CNTN4: variants seen among roughly 807,000 people sequenced by gnomAD.
The protein encoded by CNTN4 is contactin-4.
In CNTN4, 77 loss-of-function variants were observed where a neutral mutation model predicts 122.5. That is an observed-to-expected ratio of 0.63 (90% confidence interval 0.52 to 0.76). The LOEUF (loss-of-function observed/expected upper bound fraction) is 0.76. Among genes scored for constraint, CNTN4 ranks in the 30% least tolerant of loss-of-function variants. The pLI is 0.00. For synonymous variants in CNTN4, 512 were observed against 447.0 expected (o/e 1.15, Z -1.83); for missense variants, 1,256 against 1,259.1 (o/e 1.00, Z 0.04).
intron 3 of CNTN4, among the ~76,000 whole-genome samples, chr3:2,404,156 A>G (rs960716097): frequency 1.3e-5 from 2 of 152,158 alleles, no homozygotes; most frequent in Non-Finnish European, 2.9e-5. Flanking sequence ...TGCTGCTCTA[A>G]TGAATTACCA....
Position 2,175,986 on chromosome 3 carries a change from T to A in CNTN4, c.-145+75347T>A, listed in dbSNP as rs142802880. 2.8e-3 allele frequency among the ~76,000 whole-genome samples: 433 copies of A among 152,306 alleles called. 1 individual carries two copies. The highest frequency in any genetic ancestry group is 1.0e-2 in the African/African-American group (415 of 41,574). Reference sequence around the variant, plus strand: ...CTCATGAACTCAAGTTACCTGAAAATATGGTTTATTCCATGTATGTGAAAA... The same window carrying A: ...CTCATGAACTCAAGTTACCTGAAAAAATGGTTTATTCCATGTATGTGAAAA... On this transcript the variant is annotated intron_variant, in intron 2 of 24. Coordinates refer to ENST00000418658, the MANE Select transcript of CNTN4 (RefSeq NM_175607.3).
chr3:2,378,828 G>T (rs1371841654), intron 3 of CNTN4, among the ~76,000 whole-genome samples: 1 of 151,662 alleles, frequency 6.6e-6, no homozygotes, highest in Non-Finnish European at 1.5e-5. Flanking sequence ...AGGAGAATTT[G>T]TGTTGTCATT....
At chr3:2,855,631 C>T (rs1176052431) in intron 7 of CNTN4, among the ~76,000 whole-genome samples, 1 of 152,198 alleles carries the variant, frequency 6.6e-6, no homozygotes, top group South Asian at 2.1e-4. Flanking sequence ...GTGTTCCTGT[C>T]ACCTTTGAGT....
At chr3:2,300,357 C>T (rs189776382) in intron 2 of CNTN4, among the ~76,000 whole-genome samples, 1 of 152,082 alleles carries the variant, frequency 6.6e-6, no homozygotes, top group African/African-American at 2.4e-5. Flanking sequence ...GTAACGTTCT[C>T]AAAATAGAGG....
chr3:2,560,221 G>A (rs1014573013), intron 3 of CNTN4, among the ~76,000 whole-genome samples: 1 of 151,230 alleles, frequency 6.6e-6, no homozygotes, highest in Non-Finnish European at 1.5e-5. Flanking sequence ...GCTCACTGCA[G>A]CCTCGATTTC....
intron 2 of CNTN4, among the ~76,000 whole-genome samples, chr3:2,302,201 CG>C (rs1553619517): frequency 6.6e-6 from 1 of 152,106 alleles, no homozygotes; most frequent in Non-Finnish European, 1.5e-5. Context: ...GAGGCTGAGG[CG>C]GGTGGTTCAT....
chr3:2,777,502 C>A (rs1360824271), intron 6 of CNTN4, among the ~76,000 whole-genome samples: 1 of 152,192 alleles, frequency 6.6e-6, no homozygotes, highest in Non-Finnish European at 1.5e-5. Context: ...AACATCAGGT[C>A]AAGTGACCTT....
intron 2 of CNTN4, among the ~76,000 whole-genome samples, chr3:2,294,456 C>G (rs765286278): frequency 1.3e-5 from 2 of 152,122 alleles, no homozygotes; most frequent in African/African-American, 4.8e-5. Flanking sequence ...CATGGCGAAA[C>G]CCAGTCTCTG....
chr3:2,204,059 A>T (rs984415980), intron 2 of CNTN4, among the ~76,000 whole-genome samples: 3 of 152,200 alleles, frequency 2.0e-5, no homozygotes, highest in African/African-American at 7.2e-5. Context: ...CAATTGTAAC[A>T]TTTAAATTCT....
rs149120342 is a variant in CNTN4 at position 2,234,444 on chromosome 3, G to A, written c.-144-104734G>A. The stretch of plus-strand genomic sequence containing the variant: ...GACTTACAAACTTCATCAGCTTGTG[G>A]AGTTAGTCTCTGCTCATCTCATTTA... On this transcript the variant is annotated intron_variant, in intron 2 of 24. Transcript: ENST00000418658. Among the ~76,000 whole-genome samples, 854 of 151,060 alleles carry A rather than the reference G, an allele frequency of 5.7e-3. 8 individuals are homozygous for A. Among genetic ancestry groups the A allele is most frequent in the African/African-American group, 0.02 (812 of 41,146 alleles).
chr3:2,843,330 A>G (rs1396471023), intron 7 of CNTN4, among the ~76,000 whole-genome samples: 1 of 152,150 alleles, frequency 6.6e-6, no homozygotes, highest in African/African-American at 2.4e-5. Context: ...CCTGTATCAA[A>G]CCAACTCTCC....
intron 16 of CNTN4, among the ~76,000 whole-genome samples, chr3:3,032,792 G>C (rs1316639428): frequency 6.6e-6 from 1 of 152,136 alleles, no homozygotes; most frequent in Non-Finnish European, 1.5e-5. Flanking sequence ...TCTTCTACAT[G>C]CCCCTGAGTG....
chr3:2,929,402 G>C (rs576466968), intron 13 of CNTN4, among the ~76,000 whole-genome samples: 3 of 152,300 alleles, frequency 2.0e-5, no homozygotes, highest in Non-Finnish European at 2.9e-5. Context: ...AGAAATAGCA[G>C]AATCATTAAT....
At chr3:2,273,002 C>G (rs1575229858) in intron 2 of CNTN4, among the ~76,000 whole-genome samples, 1 of 152,032 alleles carries the variant, frequency 6.6e-6, no homozygotes, top group Non-Finnish European at 1.5e-5. Context: ...GAATTATCTT[C>G]AAAAATATCA....
chr3:2,214,117 T>G (rs557408920), intron 2 of CNTN4, among the ~76,000 whole-genome samples: 1 of 152,280 alleles, frequency 6.6e-6, no homozygotes, highest in Non-Finnish European at 1.5e-5. Context: ...GGGAATGATT[T>G]TTTAAATGTA....
intron 4 of CNTN4, among the ~76,000 whole-genome samples, chr3:2,687,114 C>G (rs992034377): frequency 3.3e-5 from 5 of 152,130 alleles, no homozygotes; most frequent in Admixed American, 1.3e-4. Context: ...TAATGTTTGT[C>G]CACACAGAGT....
intron 2 of CNTN4, among the ~76,000 whole-genome samples, chr3:2,159,282 A>G (rs2035855115): frequency 6.6e-6 from 1 of 152,192 alleles, no homozygotes. Context: ...AAGCCCCAAC[A>G]TATCCCTGAA....
At chr3:2,782,005 G>T (rs1055880281) in intron 6 of CNTN4, among the ~76,000 whole-genome samples, 6 of 151,840 alleles carry the variant, frequency 4.0e-5, no homozygotes, top group African/African-American at 1.5e-4. Flanking sequence ...TTACAGGCAT[G>T]AGCCACCGGT....
At chr3:2,896,177 A>G (rs2094112945) in intron 10 of CNTN4, among the ~76,000 whole-genome samples, 1 of 152,178 alleles carries the variant, frequency 6.6e-6, no homozygotes, top group Non-Finnish European at 1.5e-5. Flanking sequence ...ATAATACAAG[A>G]TATCAGCCAG....
Sources: gnomAD v4.1 joint callset for allele counts (sites outside exome capture counted in the v4.1 genomes callset) on GRCh38, gnomAD v4.1.1 for gene constraint, MANE v1.5 for transcripts, NCBI Gene and HGNC (gene_info 2026-07-23, HGNC 2026-07-21) for gene names.